TGM1: variants seen among roughly 807,000 people sequenced by gnomAD.
TGM1 encodes protein-glutamine gamma-glutamyltransferase K.
TGM1 carries 63 observed loss-of-function variants against 88.7 expected under a neutral mutation model. The observed-to-expected ratio is 0.71, with a 90% CI of 0.58 to 0.88. The LOEUF is 0.88. Among genes scored for constraint, TGM1 ranks in the 40% least tolerant of loss-of-function variants. The pLI is 0.00. For synonymous variants in TGM1, 415 were observed against 431.1 expected (o/e 0.96, Z 0.46); for missense variants, 996 against 1,118.0 (o/e 0.89, Z 1.56).
chr14:24,262,130 A>C lies in TGM1; in HGVS notation c.223T>G (p.Ser75Ala), dbSNP rs761252462. ...CGGGAGCCAGGTCTTCGAGTGCCAG[A>C]GCTGGACCCTCGACCCCTGGAGTCA... ...PSDSRGRGSS[S>A]GTRRPGSRGS... The change falls in exon 2 of 15, where the codon TCT becomes GCT. Residue 75 changes from serine to alanine, a missense_variant. By Grantham distance (99) the Ser-to-Ala change is moderately conservative. Coordinates refer to ENST00000206765, the MANE Select transcript of TGM1 (RefSeq NM_000359.3). 1 of 1,613,658 alleles carries C rather than the reference A, an allele frequency of 6.2e-7. No individual in the cohort carries two copies. Among genetic ancestry groups the C allele is most frequent in the East Asian group, 2.2e-5 (1 of 44,888 alleles).
At chr14:24,261,578 A>T in intron 3 of TGM1, 117 bp downstream of exon 3, 1 of 1,312,774 alleles carries the variant, frequency 7.6e-7, no homozygotes, top group Non-Finnish European at 1.1e-6. Flanking sequence ...CACCTGCCTT[A>T]TCTGGCAGAG....
At chr14:24,254,526 C>T (rs1338797745) in intron 13 of TGM1, 138 bp downstream of exon 13, 5 of 1,392,618 alleles carry the variant, frequency 3.6e-6, no homozygotes, top group Non-Finnish European at 4.9e-6. Context: ...AAACTGAGGC[C>T]CCAGAGCCGG....
chr14:24,255,924 G>T lies in TGM1; in HGVS notation c.1491+65C>A. The T allele has an allele frequency of 7.5e-7, 1 of 1,338,704 alleles. No individual in the cohort carries two copies. Among genetic ancestry groups the T allele is most frequent in the South Asian group, 1.3e-5 (1 of 79,700 alleles). The allele number at this position is 1,338,704 out of a possible 1,614,324, so 82.9% of individuals were successfully genotyped here. A position where few individuals can be genotyped will look rare whatever the true frequency, so the allele number is the denominator to read the frequency against. On this transcript the variant is annotated intron_variant, in intron 10 of 14. Transcript: ENST00000206765. The surrounding 1 kb of genome is among the most constrained non-coding windows in gnomAD (Gnocchi z 4.0). ...CGGGTCGCAGAGCTGGTCAGTCAGCGGTGAAGTTGGGACCAGAGAACCCAT... is the reference window on the plus strand; with the variant it reads ...CGGGTCGCAGAGCTGGTCAGTCAGCTGTGAAGTTGGGACCAGAGAACCCAT...
chr14:24,261,256 A>G lies in TGM1; in HGVS notation c.508+439T>C, dbSNP rs2748516. ...GTCAAGCTACACCAAGCAACGCGGTAAGGGAGGCACCTGCCTTGGGTCATG... is the reference window on the plus strand; with the variant it reads ...GTCAAGCTACACCAAGCAACGCGGTGAGGGAGGCACCTGCCTTGGGTCATG... On this transcript the variant is annotated intron_variant, in intron 3 of 14. Coordinates refer to ENST00000206765, the MANE Select transcript of TGM1 (RefSeq NM_000359.3). 0.92 allele frequency among the ~76,000 whole-genome samples: 140,613 copies of G among 152,226 alleles called. 64,969 individuals are homozygous for G. The highest frequency in any genetic ancestry group is 0.95 in the South Asian group (4,573 of 4,820).
intron 9 of TGM1, among the ~76,000 whole-genome samples, chr14:24,256,609 G>A (rs2040753646): frequency 6.6e-6 from 1 of 152,220 alleles, no homozygotes; most frequent in Non-Finnish European, 1.5e-5. Flanking sequence ...ACTGGGGGGA[G>A]CTGGTGGGAA....
chr14:24,254,138 G>A lies in TGM1; in HGVS notation c.2225+14C>T, dbSNP rs763691866. 18 of 1,606,496 alleles carry A rather than the reference G, an allele frequency of 1.1e-5. No homozygotes were observed. The African/African-American group carries it at 1.6e-4, about 14-fold the overall frequency. On this transcript the variant is annotated intron_variant, in intron 14 of 14. Transcript: ENST00000206765. Reference sequence around the variant, plus strand: ...CAGAGTGGAAGCAGGGGTAGGGGGAGAGGCCAGACTCACCCAACGTTGAGG... The same window carrying A: ...CAGAGTGGAAGCAGGGGTAGGGGGAAAGGCCAGACTCACCCAACGTTGAGG...
In TGM1 at chr14:24,250,149, T is replaced by C. The variant is rs561158683; in HGVS notation, c.2226-608A>G. Among the ~76,000 whole-genome samples, 54 of 29,428 alleles carry C rather than the reference T, an allele frequency of 1.8e-3. 1 individual carries two copies. In the South Asian group the frequency reaches 0.051, roughly 28 times the overall value. The allele number at this position is 29,428 out of a possible 152,430, so 19.3% of individuals were successfully genotyped here. On this transcript the variant is annotated intron_variant, in intron 14 of 14. Transcript: ENST00000206765. ...AAATGGACATAAACCCTTATGTCTC[T>C]GTGTGTGTGTGTGTGTGTGTGTGTG...
rs1594572690 is a variant in TGM1 at position 24,260,581 on chromosome 14, A to G, written c.626T>C (p.Val209Ala). 2.5e-6 allele frequency: 4 copies of G among 1,614,124 alleles called. No homozygotes were observed. Among genetic ancestry groups the G allele is most frequent in the African/African-American group, 1.3e-5 (1 of 75,020 alleles). Reference sequence around the variant, plus strand: ...GATGATGGCGTTGGGGGAAGTGTGGACCCGCAGGTTCAGATTCTGCCCACT... The same window carrying G: ...GATGATGGCGTTGGGGGAAGTGTGGGCCCGCAGGTTCAGATTCTGCCCACT... ...KASGQNLNLR[V>A]HTSPNAIIGK... The change falls in exon 4 of 15, where the codon GTC becomes GCC. Residue 209 changes from valine to alanine, a missense_variant. By Grantham distance (64) the Val-to-Ala change is moderately conservative. Coordinates refer to ENST00000206765, the MANE Select transcript of TGM1 (RefSeq NM_000359.3).
At chr14:24,254,380 A>C in intron 13 of TGM1, 92 bp from the exon 14 acceptor site, 1 of 1,585,842 alleles carries the variant, frequency 6.3e-7, no homozygotes, top group Non-Finnish European at 8.6e-7. Context: ...AGCTGCTTAG[A>C]AGCAAAACCT....
chr14:24,256,538 G>A (rs191967380), intron 9 of TGM1, among the ~76,000 whole-genome samples: 7 of 152,298 alleles, frequency 4.6e-5, no homozygotes, highest in Middle Eastern at 3.4e-3. Context: ...GGACACCACC[G>A]CCACCACCAT....
chr14:24,256,185 G>T (rs569554052), intron 9 of TGM1, 108 bp from the exon 10 acceptor site: 74 of 912,236 alleles, frequency 8.1e-5, no homozygotes, highest in Non-Finnish European at 1.3e-4. Context: ...CTCAGGCCCG[G>T]TCCCACTGCC....
In TGM1 at chr14:24,259,693, AG is replaced by A; in HGVS notation, c.984+10del. The A allele has an allele frequency of 2.5e-6, 4 of 1,603,434 alleles. No individual in the cohort carries two copies. Among genetic ancestry groups the A allele is most frequent in the Non-Finnish European group, 3.4e-6 (4 of 1,173,600 alleles). On this transcript the variant is annotated intron_variant, in intron 6 of 14. Coordinates refer to ENST00000206765, the MANE Select transcript of TGM1 (RefSeq NM_000359.3). The surrounding 1 kb of genome is among the most constrained non-coding windows in gnomAD (Gnocchi z 5.7). Reference sequence around the variant, plus strand: ...ACACACAGTAGGACTCAGAGATGTGAGGGTGCTCACCATGGCAGAGATGACC... The same window carrying A: ...ACACACAGTAGGACTCAGAGATGTGAGGTGCTCACCATGGCAGAGATGACC...
At position 24,254,816 on chromosome 14, in the gene TGM1, C is replaced by T. The variant is rs765539126; in HGVS notation, c.1936G>A (p.Val646Met). 1 of 1,613,852 alleles carries T rather than the reference C, an allele frequency of 6.2e-7. No homozygotes were observed. The highest frequency in any genetic ancestry group is 1.1e-5 in the South Asian group (1 of 91,090). Residue 646 changes from valine to methionine, a missense_variant, in exon 13 of 15, where the codon GTG becomes ATG. Val to Met is a conservative substitution (Grantham distance 21). Transcript: ENST00000206765. The part of the protein sequence containing the change: ...VELAPGASDR[V>M]TMPVAYKEYR... The stretch of plus-strand genomic sequence containing the variant: ...TCCTTGTAGGCCACTGGCATGGTCA[C>T]ACGGTCCGCTGTGGAGAAGAGGCAT...
chr14:24,259,568 T>A lies in TGM1; in HGVS notation c.984+136A>T. The A allele has an allele frequency of 1.3e-6, 1 of 787,476 alleles. No homozygotes were observed. Among genetic ancestry groups the A allele is most frequent in the Non-Finnish European group, 2.1e-6 (1 of 465,602 alleles). The allele number at this position is 787,476 out of a possible 1,614,324, so 48.8% of individuals were successfully genotyped here. On this transcript the variant is annotated intron_variant, in intron 6 of 14. Coordinates refer to ENST00000206765, the MANE Select transcript of TGM1 (RefSeq NM_000359.3). The surrounding 1 kb of genome is among the most constrained non-coding windows in gnomAD (Gnocchi z 5.7). ...GGGAGAGAAGAGGAGGGAGACCCCT[T>A]CCTGAAGTATCCTTTACGAGGGCAG...
intron 9 of TGM1, among the ~76,000 whole-genome samples, chr14:24,258,076 T>A (rs1818428831): frequency 6.6e-6 from 1 of 152,204 alleles, no homozygotes; most frequent in Non-Finnish European, 1.5e-5. Context: ...CCATTATAAA[T>A]AAGTAAAATG....
intron 3 of TGM1, among the ~76,000 whole-genome samples, chr14:24,261,491 G>A (rs2040808179): frequency 6.6e-6 from 1 of 152,144 alleles, no homozygotes; most frequent in African/African-American, 2.4e-5. Context: ...GGAGGCTTGA[G>A]GAGGATGGGC....
In TGM1 at chr14:24,260,558, T is replaced by C. The variant is rs982186376; in HGVS notation, c.649A>G (p.Ile217Val). The stretch of plus-strand genomic sequence containing the variant: ...CGGACTGTGAACTGAAACTTGCCGA[T>C]GATGGCGTTGGGGGAAGTGTGGACC... ...LRVHTSPNAIIGKFQFTVRTQ... is the reference protein window; with the variant it reads ...LRVHTSPNAIVGKFQFTVRTQ... Residue 217 changes from isoleucine (I) to valine (V), a missense_variant, in exon 4 of 15, where the codon ATC becomes GTC. Ile to Val is a conservative substitution (Grantham distance 29, BLOSUM62 3). Coordinates refer to ENST00000206765, the MANE Select transcript of TGM1 (RefSeq NM_000359.3). The C allele has an allele frequency of 6.2e-7, 1 of 1,614,102 alleles. No homozygotes were observed. The highest frequency in any genetic ancestry group is 1.7e-5 in the Admixed American group (1 of 60,012).
At chr14:24,252,895 T>C (rs1415975313) in intron 14 of TGM1, among the ~76,000 whole-genome samples, 1 of 152,204 alleles carries the variant, frequency 6.6e-6, no homozygotes, top group African/African-American at 2.4e-5. Flanking sequence ...CCCTCCGTGC[T>C]TTTCCTAGGC....
intron 14 of TGM1, among the ~76,000 whole-genome samples, chr14:24,252,071 G>T (rs1041023660): frequency 6.6e-6 from 1 of 152,184 alleles, no homozygotes; most frequent in South Asian, 2.1e-4. Flanking sequence ...CCACAGGGGG[G>T]TGGCACACCT....
Sources: allele counts gnomAD v4.1 joint callset (sites outside exome capture counted in the v4.1 genomes callset), GRCh38; gene constraint gnomAD v4.1.1; non-coding constraint Gnocchi (gnomAD v3.1); transcripts MANE v1.5; gene names NCBI Gene and HGNC (gene_info 2026-07-23, HGNC 2026-07-21).